Variants in TAF4B observed in about 807,000 individuals in gnomAD.
The protein encoded by TAF4B is transcription initiation factor TFIID subunit 4B.
A neutral mutation model predicts 86.4 loss-of-function variants in TAF4B; 38 were observed. That is an observed-to-expected ratio of 0.44 (90% CI 0.34 to 0.58). TAF4B has a LOEUF of 0.58. Among genes scored for constraint, TAF4B ranks in the 20% least tolerant of loss-of-function variants. The probability of loss-of-function intolerance (pLI) is 0.02; values close to 1 mark genes in which losing one functional copy is unlikely to be tolerated. For synonymous variants in TAF4B, 388 were observed against 391.2 expected (o/e 0.99, Z 0.10); for missense variants, 988 against 1,027.6 (o/e 0.96, Z 0.53).
At chr18:26,308,597 G>A (rs1182733050) in intron 9 of TAF4B, among the ~76,000 whole-genome samples, 1 of 152,086 alleles carries the variant, frequency 6.6e-6, no homozygotes, top group Non-Finnish European at 1.5e-5. Context: ...ATTAGGCCAG[G>A]CGTAGTGGCT....
chr18:26,386,504 T>G (rs1207222737), intron 14 of TAF4B, among the ~76,000 whole-genome samples: 1 of 152,182 alleles, frequency 6.6e-6, no homozygotes, highest in Non-Finnish European at 1.5e-5. Context: ...AACACATTCA[T>G]GTAGGCAGTA....
intron 14 of TAF4B, among the ~76,000 whole-genome samples, chr18:26,363,865 G>GTTA (rs2144318820): frequency 6.6e-6 from 1 of 152,144 alleles, no homozygotes; most frequent in Admixed American, 6.5e-5. Flanking sequence ...TTCTTCAGAG[G>GTTA]GTAACTCTTT....
At chr18:26,373,060 A>G (rs1215993657) in intron 14 of TAF4B, among the ~76,000 whole-genome samples, 1 of 152,050 alleles carries the variant, frequency 6.6e-6, no homozygotes, top group Non-Finnish European at 1.5e-5. Flanking sequence ...GGGGCCTACT[A>G]TCTTGGTGAA....
chr18:26,302,405 C>CT (rs2056745066), intron 9 of TAF4B, among the ~76,000 whole-genome samples: 2 of 98,772 alleles, frequency 2.0e-5, no homozygotes, highest in Non-Finnish European at 3.7e-5. Flanking sequence ...GAAATGGTCT[C>CT]TGTCACCTAG....
intron 12 of TAF4B, among the ~76,000 whole-genome samples, chr18:26,333,293 T>C (rs554458386): frequency 8.5e-5 from 13 of 152,096 alleles, no homozygotes; most frequent in Non-Finnish European, 1.5e-5. Flanking sequence ...CCATCTCAGC[T>C]CACTGCAACC....
At chr18:26,346,815 ATGTG>A (rs1305895809) in intron 13 of TAF4B, among the ~76,000 whole-genome samples, 3,318 of 20,630 alleles carry the variant, frequency 0.16, 959 homozygotes, top group East Asian at 0.38. Context: ...ATATATATAT[ATGTG>A]TGTGTATATA....
intron 6 of TAF4B, among the ~76,000 whole-genome samples, chr18:26,285,127 C>T (rs1206697217): frequency 6.7e-6 from 1 of 150,334 alleles, no homozygotes; most frequent in African/African-American, 2.4e-5. Context: ...ACCACCATGC[C>T]CTGCTAATTT....
intron 1 of TAF4B, among the ~76,000 whole-genome samples, chr18:26,244,434 A>T (rs2055890692): frequency 2.0e-5 from 3 of 152,216 alleles, no homozygotes; most frequent in Admixed American, 6.5e-5. Context: ...AAAGTGCAGT[A>T]TTAGGATGGG....
intron 9 of TAF4B, among the ~76,000 whole-genome samples, chr18:26,294,839 C>T (rs1035304082): frequency 2.7e-5 from 4 of 150,072 alleles, no homozygotes; most frequent in East Asian, 1.9e-4. Context: ...AAGCCTGAAA[C>T]GAGATCTTCT....
chr18:26,285,223 T>TTTTTTTTTTTTTTTTTTTTTTTTTTG (rs1598757845), intron 6 of TAF4B, among the ~76,000 whole-genome samples: 1 of 78,280 alleles, frequency 1.3e-5, no homozygotes, highest in East Asian at 3.1e-4. Context: ...TTTTTTTTTG[T>TTTTTTTTTTTTTTTTTTTTTTTTTTG]TTTTTTTTTT....
intron 1 of TAF4B, among the ~76,000 whole-genome samples, chr18:26,227,589 A>T (rs1230699870): frequency 6.6e-6 from 1 of 152,232 alleles, no homozygotes; most frequent in Non-Finnish European, 1.5e-5. Flanking sequence ...GGACCGGTTT[A>T]TACCGTGGAT....
intron 5 of TAF4B, among the ~76,000 whole-genome samples, chr18:26,279,909 T>G (rs188516189): frequency 1.3e-5 from 2 of 152,096 alleles, no homozygotes; most frequent in Non-Finnish European, 2.9e-5. Flanking sequence ...CTGGGTGTGG[T>G]GGCATATGCC....
intron 1 of TAF4B, among the ~76,000 whole-genome samples, chr18:26,259,229 C>T (rs975206335): frequency 6.7e-6 from 1 of 149,680 alleles, no homozygotes; most frequent in African/African-American, 2.5e-5. Context: ...TAACATTATG[C>T]CTATGTTGGT....
intron 9 of TAF4B, among the ~76,000 whole-genome samples, chr18:26,302,969 T>C (rs1011029499): frequency 6.6e-6 from 1 of 152,236 alleles, no homozygotes; most frequent in African/African-American, 2.4e-5. Context: ...TAATTTACTA[T>C]AATTTCAAAA....
At chr18:26,353,317 TATAATC>T (rs1467005737) in intron 13 of TAF4B, among the ~76,000 whole-genome samples, 2 of 152,224 alleles carry the variant, frequency 1.3e-5, no homozygotes, top group Admixed American at 1.3e-4. Flanking sequence ...AATCAGTCAA[TATAATC>T]ATATATTAAT....
intron 14 of TAF4B, among the ~76,000 whole-genome samples, chr18:26,367,787 A>G (rs1245438333): frequency 6.6e-6 from 1 of 152,198 alleles, no homozygotes; most frequent in African/African-American, 2.4e-5. Context: ...TTTTATCTTC[A>G]TGTAATCATT....
chr18:26,300,854 C>G (rs907263274), intron 9 of TAF4B, among the ~76,000 whole-genome samples: 2 of 146,008 alleles, frequency 1.4e-5, no homozygotes, highest in African/African-American at 2.4e-5. Flanking sequence ...ATCTCCCACT[C>G]TGATTTTTTT....
intron 1 of TAF4B, among the ~76,000 whole-genome samples, chr18:26,256,731 T>C (rs1473095041): frequency 6.6e-6 from 1 of 152,028 alleles, no homozygotes; most frequent in Non-Finnish European, 1.5e-5. Flanking sequence ...ATCTCAAAAG[T>C]ATTTTCTAGT....
intron 14 of TAF4B, among the ~76,000 whole-genome samples, chr18:26,370,265 A>G (rs2057397697): frequency 6.6e-6 from 1 of 152,220 alleles, no homozygotes; most frequent in South Asian, 2.1e-4. Flanking sequence ...ACCACACCCA[A>G]AGTCTGTTTC....
Sources: gnomAD v4.1 joint callset for allele counts (sites outside exome capture counted in the v4.1 genomes callset) on GRCh38, gnomAD v4.1.1 for gene constraint, MANE v1.5 for transcripts, NCBI Gene and HGNC (gene_info 2026-07-23, HGNC 2026-07-21) for gene names.